IMMP1L: variants seen among roughly 807,000 people sequenced by gnomAD.
IMMP1L encodes the protein mitochondrial inner membrane protease subunit 1.
In IMMP1L, 24 loss-of-function variants were observed where a neutral mutation model predicts 21.8. The ratio of observed to expected loss-of-function variants is 1.10; its 90% CI spans 0.80 to 1.55. IMMP1L has a LOEUF of 1.55. Among genes scored for constraint, IMMP1L ranks in the 40% most tolerant of loss-of-function variants. The pLI is 0.00. For synonymous variants in IMMP1L, 46 were observed against 62.8 expected (o/e 0.73, Z 1.26); for missense variants, 195 against 200.7 (o/e 0.97, Z 0.17).
At chr11:31,460,909 A>G (rs1356805296) in intron 2 of IMMP1L, among the ~76,000 whole-genome samples, 195 bp from the exon 3 acceptor site, 2 of 152,182 alleles carry the variant, frequency 1.3e-5, no homozygotes, top group African/African-American at 4.8e-5. Context: ...AGACAAATAC[A>G]TTATAAATGG....
intron 1 of IMMP1L, among the ~76,000 whole-genome samples, chr11:31,490,066 A>G (rs1431352398): frequency 2.6e-5 from 4 of 152,224 alleles, no homozygotes; most frequent in Admixed American, 6.5e-5. Flanking sequence ...CTATTCTAAT[A>G]AAGAGGTAAT....
At chr11:31,499,500 C>G (rs963256877) in intron 1 of IMMP1L, among the ~76,000 whole-genome samples, 2 of 152,042 alleles carry the variant, frequency 1.3e-5, no homozygotes, top group Non-Finnish European at 2.9e-5. Flanking sequence ...TCTGGAAGAC[C>G]AGGCATATAA....
rs1350894670 is a variant in IMMP1L at position 31,484,774 on chromosome 11, G to A, written c.-29-21469C>T. On this transcript the variant is annotated intron_variant, in intron 1 of 5. Transcript: ENST00000532287. ...CTGAAAAAAAGCTATTCCTCTCTCC[G>A]GGCCTCTAAAATACTTTGTTTATAA... 4.0e-5 allele frequency among the ~76,000 whole-genome samples: 6 copies of A among 151,542 alleles called. No individual in the cohort carries two copies. The South Asian group carries it at 6.2e-4, about 16-fold the overall frequency.
intron 1 of IMMP1L, among the ~76,000 whole-genome samples, chr11:31,464,083 C>A (rs1954248061): frequency 6.6e-6 from 1 of 151,952 alleles, no homozygotes; most frequent in African/African-American, 2.4e-5. Context: ...AACTCTTAGG[C>A]CTAGGCTACA....
chr11:31,436,003 T>C (rs1953104756), intron 4 of IMMP1L, among the ~76,000 whole-genome samples: 4 of 152,336 alleles, frequency 2.6e-5, no homozygotes, highest in Admixed American at 2.6e-4. Context: ...ATTTGATTGT[T>C]GGCAGTGTCA....
chr11:31,432,431 C>T lies in IMMP1L; in HGVS notation c.*69G>A, dbSNP rs774829039. The T allele has an allele frequency of 1.1e-5, 12 of 1,059,082 alleles. No individual in the cohort carries two copies. The highest frequency in any genetic ancestry group is 5.2e-5 in the Admixed American group (3 of 57,808). 65.6% of individuals were successfully genotyped at this position (1,059,082 alleles called of 1,614,324 possible). ...AGCAAATAGTTTATTGGTAAGTACA[C>T]GGTTTCAACGGGAGTAATAAATTCA... is the stretch of plus-strand genomic sequence containing the variant. On this transcript the variant is annotated 3_prime_UTR_variant, in exon 6 of 6. Transcript: ENST00000532287.
At chr11:31,435,175 A>C (rs1160818057) in intron 4 of IMMP1L, among the ~76,000 whole-genome samples, 1 of 152,222 alleles carries the variant, frequency 6.6e-6, no homozygotes, top group Non-Finnish European at 1.5e-5. Flanking sequence ...TTAAAACATT[A>C]TGCAAACTAA....
At chr11:31,442,707 C>G (rs1240423280) in intron 4 of IMMP1L, among the ~76,000 whole-genome samples, 1 of 151,866 alleles carries the variant, frequency 6.6e-6, no homozygotes. Context: ...ATGAAAGAAA[C>G]AAACAAAATT....
chr11:31,509,292 A>G lies in IMMP1L; in HGVS notation c.-30+227T>C, dbSNP rs566663835. 2.6e-5 allele frequency among the ~76,000 whole-genome samples: 4 copies of G among 152,322 alleles called. No homozygotes were observed. In the South Asian group the frequency reaches 6.2e-4, roughly 24 times the overall value. ...AGGTAAGAGATCCCATCCTTTCCAT[A>G]TAACACAAAATTAAGAAAAAGACAT... On this transcript the variant is annotated intron_variant, in intron 1 of 5. Transcript: ENST00000532287.
intron 1 of IMMP1L, among the ~76,000 whole-genome samples, chr11:31,473,068 G>C (rs181079931): frequency 2.0e-3 from 304 of 151,344 alleles, no homozygotes; most frequent in African/African-American, 7.1e-3. Flanking sequence ...TTGTTTTTTT[G>C]AGACGGAGTC....
rs536958947 is a variant in IMMP1L at position 31,436,038 on chromosome 11, T to TTGAATTTAATATCCAGTGAATAGTCTGTG, written c.322-2497_322-2469dup. On this transcript the variant is annotated intron_variant, in intron 4 of 5. Coordinates refer to ENST00000532287, the MANE Select transcript of IMMP1L (RefSeq NM_001304274.2). ...AAATATTATTCTGTGTGTTTTCTGA[T>TTGAATTTAATATCCAGTGAATAGTCTGTG]TGAATTTAATATCCAGTGAATAGTC... Among the ~76,000 whole-genome samples, 444 of 152,284 alleles carry TTGAATTTAATATCCAGTGAATAGTCTGTG rather than the reference T, an allele frequency of 2.9e-3. 2 individuals carry two copies. The highest frequency in any genetic ancestry group is 9.8e-3 in the African/African-American group (408 of 41,556).
At chr11:31,447,786 T>A (rs1180077729) in intron 4 of IMMP1L, among the ~76,000 whole-genome samples, 1 of 152,248 alleles carries the variant, frequency 6.6e-6, no homozygotes, top group African/African-American at 2.4e-5. Flanking sequence ...ATAATATGCA[T>A]ACCTGCTTTT....
chr11:31,489,282 A>T (rs1048779462), intron 1 of IMMP1L, among the ~76,000 whole-genome samples: 12 of 152,200 alleles, frequency 7.9e-5, no homozygotes, highest in South Asian at 4.1e-4. Flanking sequence ...CAAAAAACAA[A>T]CTTTTGCCTT....
intron 4 of IMMP1L, among the ~76,000 whole-genome samples, chr11:31,445,828 G>C (rs1953500119): frequency 6.6e-6 from 1 of 151,626 alleles, no homozygotes. Flanking sequence ...ATGATACAAA[G>C]AGAATAGCTG....
intron 1 of IMMP1L, among the ~76,000 whole-genome samples, chr11:31,493,149 T>G (rs1955312609): frequency 6.6e-6 from 1 of 152,168 alleles, no homozygotes; most frequent in Non-Finnish European, 1.5e-5. Context: ...CCAAAACAAC[T>G]GTATTACTCC....
intron 1 of IMMP1L, among the ~76,000 whole-genome samples, chr11:31,480,220 T>C (rs916108453): frequency 1.3e-5 from 2 of 152,072 alleles, no homozygotes; most frequent in Admixed American, 6.6e-5. Context: ...ATTTTTAAAG[T>C]ACATTTAAGT....
chr11:31,435,601 A>G (rs1953092032), intron 4 of IMMP1L, among the ~76,000 whole-genome samples: 1 of 152,190 alleles, frequency 6.6e-6, no homozygotes, highest in Non-Finnish European at 1.5e-5. Flanking sequence ...CCTTTGTCTT[A>G]TGAGTGAAGC....
intron 4 of IMMP1L, among the ~76,000 whole-genome samples, chr11:31,441,018 AAAT>A (rs1373898118): frequency 6.6e-6 from 1 of 152,232 alleles, no homozygotes; most frequent in Non-Finnish European, 1.5e-5. Flanking sequence ...ATAAATACAT[AAAT>A]AATGGAAAGA....
intron 1 of IMMP1L, chr11:31,477,575 G>C (rs896529125): frequency 4.7e-5 from 46 of 983,522 alleles, no homozygotes; most frequent in African/African-American, 5.2e-5. Flanking sequence ...CTTCATGAAT[G>C]ACATCCAAGA....
Sources: allele counts gnomAD v4.1 joint callset (sites outside exome capture counted in the v4.1 genomes callset), GRCh38; gene constraint gnomAD v4.1.1; transcripts MANE v1.5; gene names NCBI Gene and HGNC (gene_info 2026-07-23, HGNC 2026-07-21).